Variants in DST observed in about 807,000 individuals in gnomAD.
DST encodes the protein bullous pemphigoid antigen.
A neutral mutation model predicts 875.2 loss-of-function variants in DST; 253 were observed. The observed-to-expected ratio is 0.29, with a 90% CI of 0.26 to 0.32. The LOEUF is 0.32. Among genes scored for constraint, DST ranks in the 10% least tolerant of loss-of-function variants. The probability of loss-of-function intolerance (pLI) is 1.00; values close to 1 mark genes in which losing one functional copy is unlikely to be tolerated. For missense variants in DST, 8,287 were observed against 9,111.6 expected (o/e 0.91, Z 3.68); for synonymous variants, 3,124 against 3,197.1 (o/e 0.98, Z 0.77).
chr6:56,702,530 A>G (rs182821432), intron 7 of DST, among the ~76,000 whole-genome samples: 1 of 152,276 alleles, frequency 6.6e-6, no homozygotes, highest in Admixed American at 6.5e-5. Context: ...GAGAAAACCA[A>G]TTAAAACCAT....
At chr6:56,472,294 T>C in intron 93 of DST, 72 bp from the exon 94 acceptor site, 12 of 1,414,996 alleles carry the variant, frequency 8.5e-6, no homozygotes, top group Non-Finnish European at 1.2e-5. Flanking sequence ...TGACCTTTTT[T>C]GCTTCTAGCT....
At chr6:56,462,961 T>C in intron 102 of DST, 85 bp downstream of exon 102, 1 of 728,132 alleles carries the variant, frequency 1.4e-6, no homozygotes, top group Non-Finnish European at 2.3e-6. Flanking sequence ...AGTACATATA[T>C]TTAGGGAGTG....
chr6:56,644,351 GGACT>G (rs1178960178), intron 15 of DST, among the ~76,000 whole-genome samples: 1 of 152,002 alleles, frequency 6.6e-6, no homozygotes, highest in Non-Finnish European at 1.5e-5. Flanking sequence ...ATTTAATAAA[GGACT>G]GACAGGTTAG....
At chr6:56,505,481 G>A (rs373558971) in intron 77 of DST, among the ~76,000 whole-genome samples, 677 of 138,978 alleles carry the variant, frequency 4.9e-3, no homozygotes, top group Middle Eastern at 7.9e-3. Flanking sequence ...GGTTACAAAA[G>A]AAAAAAAAAA....
At chr6:56,484,739 T>C (rs947240713) in intron 88 of DST, 1 of 152,378 alleles carries the variant, frequency 6.6e-6, no homozygotes, top group Non-Finnish European at 1.5e-5. Context: ...CAGTTTTACA[T>C]GCATATCAGG....
At chr6:56,738,683 A>C (rs570372313) in intron 4 of DST, among the ~76,000 whole-genome samples, 59 of 151,408 alleles carry the variant, frequency 3.9e-4, no homozygotes, top group African/African-American at 1.2e-3. Flanking sequence ...CTACAGTGGC[A>C]CAATCTTGGC....
At chr6:56,463,991 G>A in intron 100 of DST, 1 of 641,146 alleles carries the variant, frequency 1.6e-6, no homozygotes, top group Non-Finnish European at 2.9e-6. Flanking sequence ...AAAATAAAGT[G>A]TGCTTATTCT....
chr6:56,721,309 G>C (rs532959755), intron 5 of DST, among the ~76,000 whole-genome samples: 36 of 152,216 alleles, frequency 2.4e-4, no homozygotes, highest in Admixed American at 2.4e-3. Flanking sequence ...TGCAGTTAAC[G>C]CAATTATCAC....
intron 4 of DST, among the ~76,000 whole-genome samples, chr6:56,754,343 T>C (rs895773770): frequency 6.6e-6 from 1 of 152,356 alleles, no homozygotes; most frequent in Non-Finnish European, 1.5e-5. Context: ...ACAATTTTTC[T>C]ATGAAATTTT....
intron 4 of DST, among the ~76,000 whole-genome samples, chr6:56,791,269 C>A (rs1294587127): frequency 6.6e-6 from 1 of 151,932 alleles, no homozygotes; most frequent in Non-Finnish European, 1.5e-5. Context: ...AAAAAACAAA[C>A]AAATAAACAA....
Position 56,501,590 on chromosome 6 carries a change from G to C in DST, c.19670C>G (p.Thr6557Ser), listed in dbSNP as rs757018312. Residue 6557 changes from threonine (T) to serine (S), a missense_variant, in exon 79 of 104, where the codon ACT becomes AGT. Physicochemically the swap from Thr to Ser is moderately conservative, Grantham distance 58 (BLOSUM62 1). Transcript: ENST00000680361. ...KKVTEESDKH[T>S]VQDPLMELKL... ...CAGTTCCATTAATGGGTCTTGAACAGTGTGTTTGTCACTCTCTTCTGTTAC... is the reference window on the plus strand; with the variant it reads ...CAGTTCCATTAATGGGTCTTGAACACTGTGTTTGTCACTCTCTTCTGTTAC... 1.2e-6 allele frequency: 2 copies of C among 1,608,258 alleles called. No homozygotes were observed. The highest frequency in any genetic ancestry group is 2.2e-5 in the South Asian group (2 of 90,144).
At chr6:56,850,037 G>T (rs13200343) in intron 4 of DST, among the ~76,000 whole-genome samples, 1,789 of 152,218 alleles carry the variant, frequency 0.012, 14 homozygotes, top group Non-Finnish European at 0.02. Context: ...TCTCAACAGG[G>T]CAAGGAGGCA....
At chr6:56,888,200 A>G (rs9475743) in intron 3 of DST, among the ~76,000 whole-genome samples, 6,059 of 152,088 alleles carry the variant, frequency 0.04, 382 homozygotes, top group African/African-American at 0.14. Context: ...CGCCCGCCTC[A>G]GCCTCCCAGT....
At chr6:56,916,300 G>A (rs1403134667) in intron 2 of DST, among the ~76,000 whole-genome samples, 1 of 152,140 alleles carries the variant, frequency 6.6e-6, no homozygotes, top group Non-Finnish European at 1.5e-5. Flanking sequence ...TCCTGTTGTT[G>A]CACACACCCT....
intron 61 of DST, among the ~76,000 whole-genome samples, chr6:56,544,514 G>T (rs2097190592): frequency 6.6e-6 from 1 of 152,102 alleles, no homozygotes; most frequent in Non-Finnish European, 1.5e-5. Context: ...TAAATTAAAT[G>T]ATTCAAAAAA....
chr6:56,693,107 GTTC>G (rs2099243103), intron 9 of DST: 1 of 1,288,868 alleles, frequency 7.8e-7, no homozygotes, highest in East Asian at 5.5e-5. Flanking sequence ...TCTACATATT[GTTC>G]TTCTTTCTCA....
intron 2 of DST, among the ~76,000 whole-genome samples, chr6:56,905,377 G>A (rs9475750): frequency 0.03 from 4,551 of 152,172 alleles, 197 homozygotes; most frequent in African/African-American, 0.1. Context: ...CTGGCGTAAC[G>A]GAAACTTTAT....
intron 9 of DST, among the ~76,000 whole-genome samples, 200 bp downstream of exon 9, chr6:56,699,453 T>C (rs903144583): frequency 5.9e-5 from 9 of 152,338 alleles, no homozygotes; most frequent in Admixed American, 5.9e-4. Flanking sequence ...AAACTACATT[T>C]AAGTTTATCA....
chr6:56,889,409 G>A (rs1035260368), intron 3 of DST, among the ~76,000 whole-genome samples: 1 of 152,152 alleles, frequency 6.6e-6, no homozygotes, highest in Non-Finnish European at 1.5e-5. Flanking sequence ...CAACTCCTCA[G>A]TCAAAACTGT....
Sources: allele counts gnomAD v4.1 joint callset (sites outside exome capture counted in the v4.1 genomes callset), GRCh38; gene constraint gnomAD v4.1.1; transcripts MANE v1.5; gene names NCBI Gene and HGNC (gene_info 2026-07-23, HGNC 2026-07-21).